The following GSG1L variants were observed in gnomAD, a reference collection of about 807,000 sequenced individuals.
GSG1L encodes the protein GSG1 like.
In GSG1L, 24 loss-of-function variants were observed where a neutral mutation model predicts 42.1. The observed-to-expected ratio is 0.57, with a 90% CI of 0.41 to 0.80. The LOEUF (loss-of-function observed/expected upper bound fraction) is 0.80, where lower values mean the gene tolerates loss of function less well. Ranked by LOEUF, GSG1L falls within the 30% of genes least tolerant of loss-of-function variation. The probability of loss-of-function intolerance (pLI) is 0.00; values close to 1 mark genes in which losing one functional copy is unlikely to be tolerated. For missense variants in GSG1L, 445 were observed against 472.2 expected, an observed-to-expected ratio of 0.94 and a Z score of 0.53; for synonymous variants, 215 against 203.5, an observed-to-expected ratio of 1.06 and a Z score of -0.48.
chr16:27,887,091 G>T (rs537104604), intron 2 of GSG1L, among the ~76,000 whole-genome samples: 59 of 152,168 alleles, frequency 3.9e-4, no homozygotes, highest in Admixed American at 3.2e-3. Flanking sequence ...GAGTAGCTGG[G>T]ACTACAGGCA....
rs529462179 is a variant in GSG1L, at chr16:27,830,058, G to T, written c.663-1102C>A. On this transcript the variant is annotated intron_variant, in intron 4 of 6. Transcript: ENST00000447459. Reference sequence around the variant, plus strand: ...AATTTGTCCTATCCACACTTGGAAAGGTAGGAAGGGTGGGGTAGAGCGAGG... The same window carrying T: ...AATTTGTCCTATCCACACTTGGAAATGTAGGAAGGGTGGGGTAGAGCGAGG... 2.0e-5 allele frequency among the ~76,000 whole-genome samples: 3 copies of T among 152,296 alleles called. No individual in the cohort carries two copies. The East Asian group carries it at 5.8e-4, about 29-fold the overall frequency.
At chr16:28,043,937 G>A (rs1031954615) in intron 1 of GSG1L, among the ~76,000 whole-genome samples, 6 of 151,988 alleles carry the variant, frequency 3.9e-5, no homozygotes, top group African/African-American at 4.8e-5. Context: ...TGGGAGGATC[G>A]CTTGAGCCCA....
intron 2 of GSG1L, among the ~76,000 whole-genome samples, chr16:27,906,147 G>A (rs1289042631): frequency 6.6e-6 from 1 of 152,094 alleles, no homozygotes; most frequent in Non-Finnish European, 1.5e-5. Context: ...GGCTCGAAAG[G>A]TTAGGTTTCC....
At chr16:27,828,749 A>C in intron 5 of GSG1L, 40 bp downstream of exon 5, 1 of 1,586,754 alleles carries the variant, frequency 6.3e-7, no homozygotes, top group Non-Finnish European at 8.6e-7. Flanking sequence ...TGGGCTTTAG[A>C]GTCCCCGTGG....
chr16:27,867,949 C>T (rs377307989), intron 3 of GSG1L, among the ~76,000 whole-genome samples: 2 of 152,250 alleles, frequency 1.3e-5, no homozygotes, highest in African/African-American at 2.4e-5. Flanking sequence ...CCCAGCATCC[C>T]TTGCTACACT....
intron 1 of GSG1L, among the ~76,000 whole-genome samples, chr16:27,981,366 A>C (rs1379074492): frequency 6.6e-6 from 1 of 152,212 alleles, no homozygotes; most frequent in Non-Finnish European, 1.5e-5. Context: ...AATGATTTTA[A>C]CTGGTTGGCA....
chr16:27,931,805 C>T (rs544986246), intron 2 of GSG1L, among the ~76,000 whole-genome samples: 1 of 152,276 alleles, frequency 6.6e-6, no homozygotes, highest in Non-Finnish European at 1.5e-5. Context: ...TTGTCTATCA[C>T]TAAGAGAACA....
At chr16:27,937,223 G>A (rs923593653) in intron 2 of GSG1L, among the ~76,000 whole-genome samples, 78 of 151,596 alleles carry the variant, frequency 5.1e-4, no homozygotes, top group Admixed American at 5.0e-3. Flanking sequence ...AGAAGCCAGC[G>A]GTCTTTCTCT....
In GSG1L at chr16:28,063,008, C is replaced by T. The variant is rs1240050884; in HGVS notation, c.349+68G>A. 1.6e-6 allele frequency: 2 copies of T among 1,281,808 alleles called. No individual in the cohort carries two copies. The highest frequency in any genetic ancestry group is 9.8e-7 in the Non-Finnish European group (1 of 1,015,538). The allele number at this position is 1,281,808 out of a possible 1,614,324, so 79.4% of individuals were successfully genotyped here. ...GAGGAGGGCGAACGGGTCCGGGGCTCGGGCCTCGATGGCCGCGCCGCCCCG... is the reference window on the plus strand; with the variant it reads ...GAGGAGGGCGAACGGGTCCGGGGCTTGGGCCTCGATGGCCGCGCCGCCCCG... On this transcript the variant is annotated intron_variant, in intron 1 of 6. Coordinates refer to ENST00000447459, the MANE Select transcript of GSG1L (RefSeq NM_001109763.2). This position sits in a 1 kb window ranked among gnomAD's most constrained non-coding sequence, Gnocchi z 5.8.
intron 2 of GSG1L, among the ~76,000 whole-genome samples, chr16:27,915,180 C>T (rs1442371834): frequency 6.8e-6 from 1 of 147,672 alleles, no homozygotes; most frequent in Non-Finnish European, 1.5e-5. Context: ...AGAGGTGTCT[C>T]TTCCCCCAGA....
At chr16:28,005,590 C>T (rs1237954159) in intron 1 of GSG1L, among the ~76,000 whole-genome samples, 2 of 150,664 alleles carry the variant, frequency 1.3e-5, no homozygotes, top group Non-Finnish European at 3.0e-5. Context: ...TTCTGAGGTA[C>T]TGGGGGTTAG....
chr16:27,831,369 G>T (rs946700706), intron 4 of GSG1L, among the ~76,000 whole-genome samples: 2 of 152,082 alleles, frequency 1.3e-5, no homozygotes, highest in African/African-American at 4.8e-5. Flanking sequence ...AAGCCAGTTT[G>T]AATTGAGTTT....
At chr16:28,010,138 G>A (rs1315619372) in intron 1 of GSG1L, among the ~76,000 whole-genome samples, 1 of 152,132 alleles carries the variant, frequency 6.6e-6, no homozygotes, top group Non-Finnish European at 1.5e-5. Flanking sequence ...AAGGAAGAGG[G>A]GCCAGGAGGA....
chr16:28,049,579 C>T (rs941808609), intron 1 of GSG1L, among the ~76,000 whole-genome samples: 33 of 151,388 alleles, frequency 2.2e-4, no homozygotes, highest in African/African-American at 6.3e-4. Context: ...CCCAGCTACT[C>T]GGAAGGCTGA....
intron 2 of GSG1L, among the ~76,000 whole-genome samples, chr16:27,911,642 T>C (rs575879006): frequency 6.6e-6 from 1 of 152,244 alleles, no homozygotes; most frequent in African/African-American, 2.4e-5. Flanking sequence ...CCTGTGCACC[T>C]GCTGTTCTGC....
intron 5 of GSG1L, among the ~76,000 whole-genome samples, chr16:27,826,937 C>A (rs1397905427): frequency 2.0e-5 from 3 of 152,188 alleles, no homozygotes; most frequent in Admixed American, 6.5e-5. Flanking sequence ...CCTGGGGCTG[C>A]CTCTTGAATC....
chr16:27,849,319 C>T (rs751490760), intron 3 of GSG1L, among the ~76,000 whole-genome samples: 1 of 152,090 alleles, frequency 6.6e-6, no homozygotes, highest in Non-Finnish European at 1.5e-5. Flanking sequence ...CAGTTTGGCT[C>T]TCACCCTATG....
rs970836162 is a variant in GSG1L at position 27,787,870 on chromosome 16, G to T, written c.*3500C>A. The T allele has an allele frequency of 6.6e-6, 1 of 152,132 alleles. No individual in the cohort carries two copies. Among genetic ancestry groups the T allele is most frequent in the Non-Finnish European group, 1.5e-5 (1 of 68,034 alleles). 9.4% of individuals were successfully genotyped at this position (152,132 alleles called of 1,614,324 possible). On this transcript the variant is annotated 3_prime_UTR_variant, in exon 7 of 7. Coordinates refer to ENST00000447459, the MANE Select transcript of GSG1L (RefSeq NM_001109763.2). ...CTGCCCAGGCCCATATATGGCAGCC[G>T]CCCTCTCTTGCATGAGGCCAAAGCC...
At chr16:27,899,162 A>G (rs2084227170) in intron 2 of GSG1L, among the ~76,000 whole-genome samples, 1 of 152,192 alleles carries the variant, frequency 6.6e-6, no homozygotes, top group Non-Finnish European at 1.5e-5. Flanking sequence ...ACCTGCTGCT[A>G]CCCTTGAAAA....
Sources: gnomAD v4.1 joint callset for allele counts (sites outside exome capture counted in the v4.1 genomes callset) on GRCh38, gnomAD v4.1.1 for gene constraint, Gnocchi (gnomAD v3.1) non-coding constraint, MANE v1.5 for transcripts, NCBI Gene and HGNC (gene_info 2026-07-23, HGNC 2026-07-21) for gene names.